The following PC variants were observed in gnomAD, a reference collection of about 807,000 sequenced individuals.
PC encodes pyruvate carboxylase.
PC carries 46 observed loss-of-function variants against 107.8 expected under a neutral mutation model. That is an observed-to-expected ratio of 0.43 (90% CI 0.34 to 0.55). PC has a LOEUF of 0.55. Ranked by LOEUF, PC falls within the 20% of genes least tolerant of loss-of-function variation. The pLI, the probability that PC is intolerant of heterozygous loss-of-function variation, is 0.04. For missense variants in PC, 1,241 were observed against 1,643.1 expected, an observed-to-expected ratio of 0.76 and a Z score of 4.23; for synonymous variants, 662 against 684.7, an observed-to-expected ratio of 0.97 and a Z score of 0.52.
intron 3 of PC, among the ~76,000 whole-genome samples, chr11:66,911,982 A>C (rs1362810815): frequency 1.3e-5 from 2 of 151,550 alleles, no homozygotes; most frequent in Non-Finnish European, 2.9e-5. Flanking sequence ...GTGGTGAGCC[A>C]AAATCGCGCC....
At chr11:66,950,212 C>G (rs916729263) in intron 3 of PC, among the ~76,000 whole-genome samples, 1 of 152,126 alleles carries the variant, frequency 6.6e-6, no homozygotes, top group Non-Finnish European at 1.5e-5. Context: ...TGACACACAT[C>G]CCCAGAGACT....
chr11:66,888,872 G>A (rs1466618181), intron 3 of PC, among the ~76,000 whole-genome samples: 2 of 152,136 alleles, frequency 1.3e-5, no homozygotes, highest in East Asian at 3.9e-4. Context: ...TCAGGAGTTC[G>A]AGACCACCCT....
At chr11:66,900,534 T>C (rs542011376) in intron 3 of PC, among the ~76,000 whole-genome samples, 1 of 152,154 alleles carries the variant, frequency 6.6e-6, no homozygotes, top group South Asian at 2.1e-4. Context: ...AGGATCATCT[T>C]GTCAATTTCC....
intron 3 of PC, among the ~76,000 whole-genome samples, chr11:66,936,043 C>T (rs1453458875): frequency 2.7e-5 from 4 of 146,554 alleles, no homozygotes; most frequent in Non-Finnish European, 4.4e-5. Flanking sequence ...TGCACCACTG[C>T]ACTCCAGCAT....
rs1946378816 is a variant in PC at position 66,863,849 on chromosome 11, G to T, written c.1293C>A (p.Ala431=). The T allele has an allele frequency of 1.2e-6, 2 of 1,613,934 alleles. No individual in the cohort carries two copies. The highest frequency in any genetic ancestry group is 3.3e-5 in the Admixed American group (2 of 60,006). ...HYDSLLVKVI[A]HGKDHPTAAT... is the part of the protein sequence containing the mutation. Reference sequence around the variant, plus strand: ...CGGCCGTGGGGTGGTCTTTGCCGTGGGCAATGACTTTGACCAGCAGGGAGT... The same window carrying T: ...CGGCCGTGGGGTGGTCTTTGCCGTGTGCAATGACTTTGACCAGCAGGGAGT... The change falls in exon 12 of 23, where the codon GCC becomes GCA. Residue 431 remains alanine (A), a synonymous_variant. Transcript: ENST00000393960.
intron 9 of PC, 61 bp from the exon 10 acceptor site, chr11:66,869,025 A>C (rs1466141668): frequency 7.8e-7 from 1 of 1,276,292 alleles, no homozygotes; most frequent in Non-Finnish European, 1.1e-6. Flanking sequence ...AACTCACTGG[A>C]CTCAGGACAG....
At position 66,858,181 on chromosome 11, in the gene PC, G is replaced by C. The variant is rs1174120095; in HGVS notation, c.1369-4798C>G. 2.5e-6 allele frequency: 4 copies of C among 1,611,724 alleles called. No homozygotes were observed. Among genetic ancestry groups the C allele is most frequent in the Non-Finnish European group, 3.4e-6 (4 of 1,179,356 alleles). ...GGAGCCTTCGACGACTTCCTAGAGAGCCTGGAGGACCTGGACCTGTCCTAC... is the reference window on the plus strand; with the variant it reads ...GGAGCCTTCGACGACTTCCTAGAGACCCTGGAGGACCTGGACCTGTCCTAC... On this transcript the variant is annotated intron_variant, in intron 12 of 22. Coordinates refer to ENST00000393960, the MANE Select transcript of PC (RefSeq NM_001040716.2). The surrounding 1 kb of genome is among the most constrained non-coding windows in gnomAD (Gnocchi z 5.9).
chr11:66,918,267 G>A (rs1005469413), intron 3 of PC, among the ~76,000 whole-genome samples: 5 of 151,318 alleles, frequency 3.3e-5, no homozygotes, highest in African/African-American at 1.2e-4. Context: ...GGGCGTGGTG[G>A]CTCATGCCTA....
At position 66,858,398 on chromosome 11, in the gene PC, T is replaced by C; in HGVS notation, c.1369-5015A>G. 1 of 1,562,256 alleles carries C rather than the reference T, an allele frequency of 6.4e-7. No homozygotes were observed. Among genetic ancestry groups the C allele is most frequent in the South Asian group, 1.2e-5 (1 of 86,744 alleles). On this transcript the variant is annotated intron_variant, in intron 12 of 22. Coordinates refer to ENST00000393960, the MANE Select transcript of PC (RefSeq NM_001040716.2). The surrounding 1 kb of genome is among the most constrained non-coding windows in gnomAD (Gnocchi z 5.9). ...CGGACCCGCTTTTCTCTCGTGGGCGTGATGCAGAGGCCTCTCCCGCCCCCC... is the reference window on the plus strand; with the variant it reads ...CGGACCCGCTTTTCTCTCGTGGGCGCGATGCAGAGGCCTCTCCCGCCCCCC...
At chr11:66,862,853 C>T (rs1298048820) in intron 12 of PC, among the ~76,000 whole-genome samples, 2 of 152,246 alleles carry the variant, frequency 1.3e-5, no homozygotes, top group East Asian at 1.9e-4. Flanking sequence ...GGGCAGGTTG[C>T]CTCCCAAGCC....
intron 12 of PC, among the ~76,000 whole-genome samples, chr11:66,863,294 C>T (rs368212016): frequency 2.4e-4 from 37 of 152,224 alleles, no homozygotes; most frequent in African/African-American, 7.2e-4. Context: ...GAGCCGAGAT[C>T]GCGCCACTGC....
intron 3 of PC, among the ~76,000 whole-genome samples, chr11:66,950,990 G>A (rs541511619): frequency 9.9e-5 from 15 of 152,128 alleles, no homozygotes; most frequent in East Asian, 1.9e-4. Context: ...TCCACGTTAC[G>A]GCCATTCCCA....
intron 3 of PC, among the ~76,000 whole-genome samples, chr11:66,879,573 A>G (rs1712282617): frequency 6.6e-6 from 1 of 152,178 alleles, no homozygotes; most frequent in Non-Finnish European, 1.5e-5. Context: ...AAGTTCCCCA[A>G]CACAAGGCTG....
intron 3 of PC, among the ~76,000 whole-genome samples, chr11:66,903,770 A>AT (rs1236156163): frequency 4.9e-4 from 64 of 130,566 alleles, no homozygotes; most frequent in Middle Eastern, 4.2e-3. Context: ...AAAAAAAAAA[A>AT]AAAATATATA....
chr11:66,857,926 A>G lies in PC; in HGVS notation c.1369-4543T>C, dbSNP rs774207464. 3 of 1,612,130 alleles carry G rather than the reference A, an allele frequency of 1.9e-6. No homozygotes were observed. The East Asian group carries it at 6.7e-5, about 36-fold the overall frequency. On this transcript the variant is annotated intron_variant, in intron 12 of 22. Coordinates refer to ENST00000393960, the MANE Select transcript of PC (RefSeq NM_001040716.2). The surrounding 1 kb of genome is among the most constrained non-coding windows in gnomAD (Gnocchi z 7.1). ...CTGCGGCTGGCTGACAACTTCATCC[A>G]GGCCCTGGGGCCCCCTGACTTCCGC...
intron 3 of PC, among the ~76,000 whole-genome samples, chr11:66,887,685 G>A (rs1014527784): frequency 1.3e-5 from 2 of 152,218 alleles, no homozygotes; most frequent in Non-Finnish European, 2.9e-5. Flanking sequence ...CAGGGGCAGG[G>A]GAATCCTGCT....
At position 66,857,534 on chromosome 11, in the gene PC, G is replaced by T; in HGVS notation, c.1369-4151C>A. 3.5e-6 allele frequency: 2 copies of T among 574,082 alleles called. 1 individual carries two copies. Among genetic ancestry groups the T allele is most frequent in the South Asian group, 4.8e-5 (2 of 42,090 alleles). 35.6% of individuals were successfully genotyped at this position (574,082 alleles called of 1,614,324 possible). ...CCAGCGCCTGGACTCCCCCTTAACT[G>T]CTTGGGAAATGTGACCTTTGCTCTG... On this transcript the variant is annotated intron_variant, in intron 12 of 22. Transcript: ENST00000393960. This position sits in a 1 kb window ranked among gnomAD's most constrained non-coding sequence, Gnocchi z 7.1.
chr11:66,894,521 G>A (rs1278276956), intron 3 of PC, among the ~76,000 whole-genome samples: 1 of 152,226 alleles, frequency 6.6e-6, no homozygotes, highest in Non-Finnish European at 1.5e-5. Flanking sequence ...CAGGAGAGGA[G>A]ACAACAGCAA....
At chr11:66,881,113 T>C (rs1947172815) in intron 3 of PC, among the ~76,000 whole-genome samples, 1 of 152,204 alleles carries the variant, frequency 6.6e-6, no homozygotes, top group Admixed American at 6.5e-5. Flanking sequence ...TCTCCCTTTC[T>C]GACCTCAGAA....
Sources: allele counts gnomAD v4.1 joint callset (sites outside exome capture counted in the v4.1 genomes callset), GRCh38; gene constraint gnomAD v4.1.1; non-coding constraint Gnocchi (gnomAD v3.1); transcripts MANE v1.5; gene names NCBI Gene and HGNC (gene_info 2026-07-23, HGNC 2026-07-21).